Variants in TPH1 observed in about 807,000 individuals in gnomAD.
The protein encoded by TPH1 is tryptophan hydroxylase 1, also known as tryptophan 5-hydroxylase 1.
Under a neutral mutation model 49.5 loss-of-function variants are expected in TPH1, and 37 were observed. The observed-to-expected ratio is 0.75, with a 90% CI of 0.58 to 0.98. TPH1 has a LOEUF of 0.98. TPH1 is among the 50% of genes least tolerant of loss of function. The pLI, the probability that TPH1 is intolerant of heterozygous loss-of-function variation, is 0.00. For missense variants in TPH1, 487 were observed against 523.6 expected (o/e 0.93, Z 0.68); for synonymous variants, 160 against 182.1 (o/e 0.88, Z 0.98).
intron 1 of TPH1, among the ~76,000 whole-genome samples, chr11:18,044,775 C>CAAAAA (rs34622205): frequency 3.6e-5 from 2 of 55,556 alleles, no homozygotes; most frequent in Non-Finnish European, 8.6e-5. Context: ...CAAAACAAAA[C>CAAAAA]AAAAAAACAC....
At chr11:18,035,381 CTTTTCTTTCTTTTTCTTTCTTT>C (rs1848034893) in intron 3 of TPH1, among the ~76,000 whole-genome samples, 1 of 143,070 alleles carries the variant, frequency 7.0e-6, no homozygotes, top group South Asian at 2.3e-4. Context: ...TTCTTTCTTT[CTTTTCTTTCTTTTTCTTTCTTT>C]TTTCTTTCTT....
intron 3 of TPH1, among the ~76,000 whole-genome samples, chr11:18,035,363 C>A (rs1029134530): frequency 6.0e-5 from 9 of 150,480 alleles, no homozygotes; most frequent in Non-Finnish European, 7.4e-5. Context: ...GTCTGTCTTT[C>A]TTTTTCTTTC....
chr11:18,040,065 T>C (rs894294850), intron 2 of TPH1, among the ~76,000 whole-genome samples: 2 of 150,682 alleles, frequency 1.3e-5, no homozygotes. Flanking sequence ...TATCATTAAA[T>C]CTCAAGTATA....
chr11:18,042,067 C>G (rs1165958807), intron 1 of TPH1, among the ~76,000 whole-genome samples: 3 of 152,124 alleles, frequency 2.0e-5, no homozygotes, highest in Non-Finnish European at 4.4e-5. Flanking sequence ...ACTCAACCAC[C>G]CCTCACCTTC....
chr11:18,023,093 C>A (rs35527095), intron 9 of TPH1, 162 bp from the exon 10 acceptor site: 39,389 of 735,686 alleles, frequency 0.054, 1,347 homozygotes, highest in Middle Eastern at 0.07. Flanking sequence ...CAGTACACTC[C>A]AGCAAAAAAA....
chr11:18,037,165 C>T (rs949766216), intron 2 of TPH1, among the ~76,000 whole-genome samples: 4 of 151,980 alleles, frequency 2.6e-5, no homozygotes, highest in Non-Finnish European at 5.9e-5. Context: ...TCAGGACCAG[C>T]CTGGACCACA....
chr11:18,020,686 T>G lies in TPH1; in HGVS notation c.*305A>C, dbSNP rs1854348677. On this transcript the variant is annotated 3_prime_UTR_variant, in exon 11 of 11. Coordinates refer to ENST00000682019, the MANE Select transcript of TPH1 (RefSeq NM_004179.3). ...AAAATAGAGTTAGGCTGAGATTAGA[T>G]CTATCTATTGGGTCAAACAACTTCT... is the stretch of plus-strand genomic sequence containing the variant. 1 of 338,174 alleles carries G rather than the reference T, an allele frequency of 3.0e-6. No individual in the cohort carries two copies. Among genetic ancestry groups the G allele is most frequent in the African/African-American group, 2.1e-5 (1 of 47,192 alleles). The allele number at this position is 338,174 out of a possible 1,614,324, so 20.9% of individuals were successfully genotyped here.
Position 18,020,239 on chromosome 11 carries a change from A to G in TPH1, c.*752T>C, listed in dbSNP as rs1854342839. Reference sequence around the variant, plus strand: ...AATAAAACCAGTATCGTGTGATGTCATTGAAAGAAAACAAAGTTTCAAGGA... The same window carrying G: ...AATAAAACCAGTATCGTGTGATGTCGTTGAAAGAAAACAAAGTTTCAAGGA... On this transcript the variant is annotated 3_prime_UTR_variant, in exon 11 of 11. Transcript: ENST00000682019. 6.5e-6 allele frequency: 1 copy of G among 153,500 alleles called. No homozygotes were observed. 9.5% of individuals were successfully genotyped at this position (153,500 alleles called of 1,614,324 possible). A position where few individuals can be genotyped will look rare whatever the true frequency, so the allele number is the denominator to read the frequency against.
chr11:18,041,007 T>C, intron 1 of TPH1: 1 of 378,590 alleles, frequency 2.6e-6, no homozygotes, highest in East Asian at 6.1e-5. Flanking sequence ...AGTAGTTCCC[T>C]TTTGTTTTTT....
At chr11:18,036,959 TAA>T (rs1210352960) in intron 2 of TPH1, among the ~76,000 whole-genome samples, 1 of 152,028 alleles carries the variant, frequency 6.6e-6, no homozygotes, top group African/African-American at 2.4e-5. Context: ...GAAAATAAAG[TAA>T]AGAGTGTTCG....
At chr11:18,026,393 CA>C (rs57335932) in intron 7 of TPH1, 96 bp downstream of exon 7, 49,448 of 576,700 alleles carry the variant, frequency 0.086, 6 homozygotes, top group East Asian at 0.11. Flanking sequence ...CCTCGCACAC[CA>C]AAAAAAAAAA....
At chr11:18,037,092 C>T (rs1323448553) in intron 2 of TPH1, among the ~76,000 whole-genome samples, 1 of 152,270 alleles carries the variant, frequency 6.6e-6, no homozygotes, top group Admixed American at 6.5e-5. Context: ...GGCGTGGTGG[C>T]TCACGCCTGT....
chr11:18,034,634 G>A (rs190985993), intron 3 of TPH1, among the ~76,000 whole-genome samples: 58 of 152,242 alleles, frequency 3.8e-4, no homozygotes, highest in African/African-American at 4.8e-5. Context: ...ATAGCTGTAC[G>A]AACACATAGC....
intron 4 of TPH1, among the ~76,000 whole-genome samples, chr11:18,030,348 G>C (rs183183029): frequency 3.3e-5 from 5 of 152,078 alleles, no homozygotes; most frequent in Admixed American, 2.0e-4. Context: ...CTTCAGCCCA[G>C]GAATTCTAGG....
Position 18,029,166 on chromosome 11 carries a change from T to G in TPH1, c.666A>C (p.Lys222Asn), listed in dbSNP as rs773575553. ...ACAAAAAATTAATTAGCTTATTACC[T>G]TTTAAAAAGTTGGAGACATCTTCCA... ...PQLEDVSNFL[K>N]ERTGFSIRPV... is the part of the protein sequence containing the mutation. The change falls in exon 6 of 11, where the codon AAA becomes AAC. Residue 222 changes from lysine (K) to asparagine (N), a missense_variant and splice_region_variant. By Grantham distance (94) the Lys-to-Asn change is moderately conservative. Transcript: ENST00000682019. 5 of 1,608,090 alleles carry G rather than the reference T, an allele frequency of 3.1e-6. No homozygotes were observed. The highest frequency in any genetic ancestry group is 4.3e-6 in the Non-Finnish European group (5 of 1,174,808).
intron 4 of TPH1, among the ~76,000 whole-genome samples, chr11:18,032,997 T>G (rs1392593526): frequency 6.6e-6 from 1 of 152,058 alleles, no homozygotes; most frequent in Admixed American, 6.5e-5. Context: ...TTATGCCTGT[T>G]ATCCCAGCAC....
At position 18,018,784 on chromosome 11, in the gene TPH1, A is replaced by AT. The variant is rs1187370348; in HGVS notation, c.*2206dup. The AT allele has an allele frequency of 1.4e-5, 2 of 146,036 alleles. No individual in the cohort carries two copies. The highest frequency in any genetic ancestry group is 2.5e-5 in the African/African-American group (1 of 39,492). 9.0% of individuals were successfully genotyped at this position (146,036 alleles called of 1,614,324 possible). On this transcript the variant is annotated 3_prime_UTR_variant, in exon 11 of 11. Transcript: ENST00000682019. ...TCTCATGTGCTTTAGTCATAGAGTG[A>AT]TTTTAAACATCATCATTTTAAAATT...
chr11:18,044,412 ACTGCGTCTC>A (rs1848123957), intron 1 of TPH1, among the ~76,000 whole-genome samples: 1 of 152,212 alleles, frequency 6.6e-6, no homozygotes, highest in East Asian at 1.9e-4. Flanking sequence ...ACAGAGCAAG[ACTGCGTCTC>A]AAAAAAAAAG....
intron 9 of TPH1, among the ~76,000 whole-genome samples, chr11:18,023,512 A>G (rs1590259692): frequency 1.3e-5 from 2 of 152,102 alleles, no homozygotes. Flanking sequence ...TATATATCAG[A>G]AATATATCAA....
Sources: allele counts gnomAD v4.1 joint callset (sites outside exome capture counted in the v4.1 genomes callset), GRCh38; gene constraint gnomAD v4.1.1; transcripts MANE v1.5; gene names NCBI Gene and HGNC (gene_info 2026-07-23, HGNC 2026-07-21).